TGFBR3: variants seen among roughly 807,000 people sequenced by gnomAD.
TGFBR3 encodes transforming growth factor beta receptor 3.
A neutral mutation model predicts 87.9 loss-of-function variants in TGFBR3; 46 were observed. That is an observed-to-expected ratio of 0.52 (90% CI 0.41 to 0.67). The LOEUF (loss-of-function observed/expected upper bound fraction) is 0.67, where lower values mean the gene tolerates loss of function less well. Among genes scored for constraint, TGFBR3 ranks in the 30% least tolerant of loss-of-function variants. The probability of loss-of-function intolerance (pLI) is 0.00; values close to 1 mark genes in which losing one functional copy is unlikely to be tolerated. For missense variants in TGFBR3, 866 were observed against 1,041.9 expected, an observed-to-expected ratio of 0.83 and a Z score of 2.32; for synonymous variants, 381 against 391.6, an observed-to-expected ratio of 0.97 and a Z score of 0.32.
chr1:91,896,469 G>A (rs1170714583), intron 2 of TGFBR3, among the ~76,000 whole-genome samples: 2 of 152,154 alleles, frequency 1.3e-5, no homozygotes, highest in East Asian at 1.9e-4. Context: ...TGAGGGAACC[G>A]GGACCAATTT....
At chr1:91,797,876 C>G (rs2101006652) in intron 2 of TGFBR3, among the ~76,000 whole-genome samples, 1 of 152,266 alleles carries the variant, frequency 6.6e-6, no homozygotes, top group African/African-American at 2.4e-5. Flanking sequence ...GTATAAGATA[C>G]AGATCCTATC....
intron 2 of TGFBR3, among the ~76,000 whole-genome samples, chr1:91,853,259 CAAAAAAAAA>C (rs11340974): frequency 2.6e-5 from 2 of 76,608 alleles, no homozygotes; most frequent in Non-Finnish European, 2.7e-5. Context: ...TGAGGGTTGG[CAAAAAAAAA>C]AAAAAAAAAA....
chr1:91,877,644 A>G (rs1352786149), intron 1 of TGFBR3, among the ~76,000 whole-genome samples: 1 of 152,240 alleles, frequency 6.6e-6, no homozygotes, highest in Non-Finnish European at 1.5e-5. Flanking sequence ...TTGAAAAAAG[A>G]TATAAATATG....
intron 4 of TGFBR3, among the ~76,000 whole-genome samples, chr1:91,754,702 T>C (rs529665678): frequency 3.5e-4 from 54 of 152,284 alleles, no homozygotes; most frequent in Non-Finnish European, 6.5e-4. Flanking sequence ...AGTATTAAAG[T>C]ATGTTTTCAG....
At chr1:91,797,253 T>C (rs1244369922) in intron 3 of TGFBR3, 34 bp downstream of exon 3, 33 of 1,609,454 alleles carry the variant, frequency 2.1e-5, no homozygotes, top group Non-Finnish European at 2.6e-5. Flanking sequence ...GCAGACTCAG[T>C]GGCAGTGGGC....
At chr1:91,692,042 G>A (rs1266848337) in intron 16 of TGFBR3, among the ~76,000 whole-genome samples, 2 of 152,078 alleles carry the variant, frequency 1.3e-5, no homozygotes, top group Non-Finnish European at 2.9e-5. Flanking sequence ...AAGCTAATGG[G>A]GTAGGGTGGG....
At chr1:91,724,295 T>C (rs1211660798) in intron 7 of TGFBR3, among the ~76,000 whole-genome samples, 1 of 152,238 alleles carries the variant, frequency 6.6e-6, no homozygotes, top group Non-Finnish European at 1.5e-5. Flanking sequence ...AATTTATTCT[T>C]AGAACTTTTT....
intron 16 of TGFBR3, among the ~76,000 whole-genome samples, chr1:91,693,508 A>G (rs1364732504): frequency 6.6e-6 from 1 of 152,144 alleles, no homozygotes; most frequent in African/African-American, 2.4e-5. Context: ...CATACCACCA[A>G]GTTTTGCTTT....
intron 5 of TGFBR3, among the ~76,000 whole-genome samples, chr1:91,734,346 T>C (rs773676136): frequency 1.3e-5 from 2 of 152,178 alleles, no homozygotes; most frequent in African/African-American, 2.4e-5. Context: ...CACCACAAAC[T>C]GACACAGGCT....
intron 3 of TGFBR3, among the ~76,000 whole-genome samples, chr1:91,791,026 A>C (rs553628256): frequency 1.3e-5 from 2 of 152,374 alleles, no homozygotes; most frequent in South Asian, 4.1e-4. Context: ...AGGTAGGTAG[A>C]TAAAGATCTC....
intron 2 of TGFBR3, among the ~76,000 whole-genome samples, chr1:91,835,583 C>T (rs1297216331): frequency 2.0e-5 from 3 of 151,996 alleles, no homozygotes; most frequent in Non-Finnish European, 4.4e-5. Flanking sequence ...AATCCCAGCA[C>T]TTTGGGAGGC....
chr1:91,758,636 T>A lies in TGFBR3; in HGVS notation c.361A>T (p.Thr121Ser), dbSNP rs550319582. 6.2e-7 allele frequency: 1 copy of A among 1,613,920 alleles called. No individual in the cohort carries two copies. The highest frequency in any genetic ancestry group is 1.1e-5 in the South Asian group (1 of 91,062). ...ACCAAAAACAGTCTGGAGACCCCAG[T>A]GGCAAGTCTCTCTGTCTTCAGATGC... Reference protein sequence around the residue: ...VWHLKTERLATGVSRLFLVSE... With the variant: ...VWHLKTERLASGVSRLFLVSE... Residue 121 changes from threonine to serine, a missense_variant, in exon 4 of 17, where the codon ACT becomes TCT. Transcript: ENST00000212355.
chr1:91,850,419 G>A (rs1019929223), intron 2 of TGFBR3, among the ~76,000 whole-genome samples: 66 of 152,314 alleles, frequency 4.3e-4, no homozygotes, highest in African/African-American at 1.6e-3. Context: ...ATGCACAGGT[G>A]CATCCCACTG....
intron 16 of TGFBR3, chr1:91,695,454 C>T: frequency 1.9e-6 from 1 of 537,440 alleles, no homozygotes; most frequent in Non-Finnish European, 3.4e-6. Flanking sequence ...ACCAACATCA[C>T]AATCGCAATT....
chr1:91,698,192 A>G, intron 14 of TGFBR3, 62 bp from the exon 15 acceptor site: 1 of 1,415,686 alleles, frequency 7.1e-7, no homozygotes, highest in South Asian at 1.2e-5. Context: ...GCAAAGGGTC[A>G]TCAAAGTCTC....
intron 4 of TGFBR3, among the ~76,000 whole-genome samples, chr1:91,735,647 C>T (rs17131543): frequency 0.082 from 12,468 of 152,174 alleles, 1,681 homozygotes; most frequent in African/African-American, 0.28. Flanking sequence ...TTCAGGATGA[C>T]GTATGCAAGT....
chr1:91,775,376 C>A (rs750325409), intron 3 of TGFBR3, among the ~76,000 whole-genome samples: 15 of 152,346 alleles, frequency 9.8e-5, no homozygotes, highest in Middle Eastern at 3.4e-3. Context: ...CATACTGGCC[C>A]CTCTCTCATC....
chr1:91,810,504 A>AGG (rs1675991107), intron 2 of TGFBR3, among the ~76,000 whole-genome samples: 1 of 152,224 alleles, frequency 6.6e-6, no homozygotes, highest in Admixed American at 6.5e-5. Context: ...TCTACTTACC[A>AGG]GAAACTCCAT....
chr1:91,851,142 T>C (rs988626228), intron 2 of TGFBR3, among the ~76,000 whole-genome samples: 7 of 152,322 alleles, frequency 4.6e-5, no homozygotes, highest in African/African-American at 1.7e-4. Context: ...CTGTAGATTT[T>C]TTTAAAGATG....
Sources: allele counts gnomAD v4.1 joint callset (sites outside exome capture counted in the v4.1 genomes callset), GRCh38; gene constraint gnomAD v4.1.1; transcripts MANE v1.5; gene names NCBI Gene and HGNC (gene_info 2026-07-23, HGNC 2026-07-21).